The following RAB3GAP1 variants were observed in gnomAD, a reference collection of about 807,000 sequenced individuals.
The protein encoded by RAB3GAP1 is rab3 GTPase-activating protein catalytic subunit.
In RAB3GAP1, 86 loss-of-function variants were observed where a neutral mutation model predicts 130.7. The ratio of observed to expected loss-of-function variants is 0.66; its 90% CI spans 0.55 to 0.79. The LOEUF is 0.79. Among genes scored for constraint, RAB3GAP1 ranks in the 30% least tolerant of loss-of-function variants. RAB3GAP1 has a pLI of 0.00. For synonymous variants in RAB3GAP1, 367 were observed against 401.7 expected (o/e 0.91, Z 1.03); for missense variants, 1,029 against 1,169.4 (o/e 0.88, Z 1.75).
intron 15 of RAB3GAP1, among the ~76,000 whole-genome samples, chr2:135,134,410 ATAT>A (rs1223124691): frequency 6.6e-6 from 1 of 152,204 alleles, no homozygotes; most frequent in Non-Finnish European, 1.5e-5. Flanking sequence ...TACAGGAAAA[ATAT>A]TATAAATACT....
intron 3 of RAB3GAP1, among the ~76,000 whole-genome samples, chr2:135,088,688 CAAAAAAAA>C (rs1162700077): frequency 3.6e-5 from 2 of 55,716 alleles, no homozygotes; most frequent in African/African-American, 1.0e-4. Flanking sequence ...GACTCCATCT[CAAAAAAAA>C]AAAAAAAAAA....
chr2:135,082,699 C>T (rs546005978), intron 3 of RAB3GAP1, among the ~76,000 whole-genome samples: 2 of 152,130 alleles, frequency 1.3e-5, no homozygotes, highest in South Asian at 4.2e-4. Flanking sequence ...CCTCGGCCTC[C>T]CAAAGTGCTG....
chr2:135,150,485 C>T lies in RAB3GAP1; in HGVS notation c.2040C>T (p.Leu680=). The change falls in exon 18 of 24, where the codon CTC becomes CTT. Residue 680 remains leucine, a synonymous_variant. Transcript: ENST00000264158. ...CACGCATGCAGAGTGCCTGTCTGCT[C>T]TCAGATATGGAGTCTTTTAAGGTGG... is the stretch of plus-strand genomic sequence containing the variant. ...LRARMQSACL[L]SDMESFKAAN... is the part of the protein sequence containing the mutation. The T allele has an allele frequency of 6.2e-7, 1 of 1,614,112 alleles. No homozygotes were observed. The highest frequency in any genetic ancestry group is 8.5e-7 in the Non-Finnish European group (1 of 1,180,022).
chr2:135,131,515 C>G (rs968965551), intron 13 of RAB3GAP1, among the ~76,000 whole-genome samples: 2 of 152,164 alleles, frequency 1.3e-5, no homozygotes, highest in Non-Finnish European at 2.9e-5. Context: ...CAGGCGTGAG[C>G]CACCGCACCT....
chr2:135,106,064 G>A (rs1381195955), intron 5 of RAB3GAP1, among the ~76,000 whole-genome samples: 10 of 151,574 alleles, frequency 6.6e-5, no homozygotes, highest in African/African-American at 1.7e-4. Context: ...AGTGAGGAGC[G>A]TCTCGGCCCG....
chr2:135,124,359 C>A, intron 9 of RAB3GAP1, 113 bp downstream of exon 9: 2 of 1,117,230 alleles, frequency 1.8e-6, no homozygotes, highest in Non-Finnish European at 2.7e-6. Context: ...GAATGTAGTA[C>A]TGGAAATAAA....
intron 7 of RAB3GAP1, among the ~76,000 whole-genome samples, chr2:135,116,514 A>G (rs1690975671): frequency 6.6e-6 from 1 of 152,170 alleles, no homozygotes; most frequent in Non-Finnish European, 1.5e-5. Context: ...GCAACACATG[A>G]TTCTTGATTG....
chr2:135,162,875 T>A (rs1428433056), intron 21 of RAB3GAP1, 24 bp downstream of exon 21: 6 of 1,595,242 alleles, frequency 3.8e-6, no homozygotes, highest in Non-Finnish European at 5.2e-6. Context: ...AGTGTCAGAA[T>A]CTTGCCAAGT....
chr2:135,065,305 G>C (rs1432143236), intron 3 of RAB3GAP1, among the ~76,000 whole-genome samples: 5 of 152,170 alleles, frequency 3.3e-5, no homozygotes, highest in Admixed American at 2.0e-4. Flanking sequence ...GTCTGTCTCT[G>C]AGAACTTTGC....
At chr2:135,101,633 C>T (rs1465308727) in intron 5 of RAB3GAP1, among the ~76,000 whole-genome samples, 1 of 152,144 alleles carries the variant, frequency 6.6e-6, no homozygotes, top group African/African-American at 2.4e-5. Flanking sequence ...AGATTAGCTC[C>T]AAGCCTGTTT....
intron 3 of RAB3GAP1, 74 bp from the exon 4 acceptor site, chr2:135,090,924 A>G: frequency 7.2e-7 from 1 of 1,397,894 alleles, no homozygotes; most frequent in Non-Finnish European, 1.0e-6. Context: ...AGGGGAAAAT[A>G]TCCCTGTCGT....
intron 3 of RAB3GAP1, among the ~76,000 whole-genome samples, chr2:135,088,675 C>T (rs1285963884): frequency 4.1e-5 from 5 of 123,016 alleles, no homozygotes; most frequent in African/African-American, 1.7e-4. Flanking sequence ...GGTGACAGAG[C>T]GAGACTCCAT....
At chr2:135,109,036 A>G (rs955164352) in intron 5 of RAB3GAP1, among the ~76,000 whole-genome samples, 6 of 151,944 alleles carry the variant, frequency 3.9e-5, no homozygotes, top group Non-Finnish European at 8.8e-5. Flanking sequence ...ATTGATCCCT[A>G]TTTGTTCTTT....
intron 3 of RAB3GAP1, 83 bp from the exon 4 acceptor site, chr2:135,090,915 G>A: frequency 7.6e-7 from 1 of 1,318,612 alleles, no homozygotes; most frequent in Admixed American, 1.7e-5. Context: ...GGCAGAAAAA[G>A]GGGAAAATAT....
chr2:135,134,533 A>G (rs1042446889), intron 15 of RAB3GAP1, among the ~76,000 whole-genome samples: 1 of 152,056 alleles, frequency 6.6e-6, no homozygotes, highest in East Asian at 1.9e-4. Flanking sequence ...TGTAATTGAC[A>G]TTTTACTTAA....
intron 3 of RAB3GAP1, among the ~76,000 whole-genome samples, chr2:135,074,375 G>T (rs947943545): frequency 6.6e-6 from 1 of 152,246 alleles, no homozygotes; most frequent in Non-Finnish European, 1.5e-5. Flanking sequence ...GGCCAAACCT[G>T]TTCAGTCCCT....
At chr2:135,126,436 C>T (rs1691349736) in intron 10 of RAB3GAP1, 147 bp from the exon 11 acceptor site, 3 of 895,572 alleles carry the variant, frequency 3.3e-6, no homozygotes, top group Non-Finnish European at 5.3e-6. Context: ...ATCCAAATGG[C>T]TCCATGTATC....
At chr2:135,065,714 G>A (rs1202756188) in intron 3 of RAB3GAP1, among the ~76,000 whole-genome samples, 4 of 151,514 alleles carry the variant, frequency 2.6e-5, no homozygotes, top group South Asian at 2.1e-4. Context: ...TAAACGTCAC[G>A]CTTTCGAACT....
At chr2:135,082,434 T>C (rs980687906) in intron 3 of RAB3GAP1, among the ~76,000 whole-genome samples, 2 of 151,580 alleles carry the variant, frequency 1.3e-5, no homozygotes, top group Admixed American at 6.6e-5. Context: ...AATCATATAA[T>C]ACACACACTT....
Sources: gnomAD v4.1 joint callset for allele counts (sites outside exome capture counted in the v4.1 genomes callset) on GRCh38, gnomAD v4.1.1 for gene constraint, MANE v1.5 for transcripts, NCBI Gene and HGNC (gene_info 2026-07-23, HGNC 2026-07-21) for gene names.